Variants in ABTB2 observed in about 807,000 individuals in gnomAD.
ABTB2 encodes the protein ankyrin repeat and BTB domain containing 2.
ABTB2 carries 56 observed loss-of-function variants against 104.1 expected under a neutral mutation model. The ratio of observed to expected loss-of-function variants is 0.54; its 90% CI spans 0.43 to 0.67. The LOEUF (loss-of-function observed/expected upper bound fraction) is 0.67, where lower values mean the gene tolerates loss of function less well. Among genes scored for constraint, ABTB2 ranks in the 30% least tolerant of loss-of-function variants. ABTB2 has a pLI of 0.00. For missense variants in ABTB2, 1,279 were observed against 1,407.7 expected (o/e 0.91, Z 1.46); for synonymous variants, 606 against 608.2 (o/e 1.00, Z 0.05).
At chr11:34,333,681 G>A (rs1054654605) in intron 1 of ABTB2, among the ~76,000 whole-genome samples, 1 of 152,222 alleles carries the variant, frequency 6.6e-6, no homozygotes. Context: ...GCTTGAACCC[G>A]GGAGGCAGAG....
chr11:34,171,491 T>C (rs946282375), intron 4 of ABTB2, among the ~76,000 whole-genome samples: 52 of 152,236 alleles, frequency 3.4e-4, no homozygotes, highest in African/African-American at 1.2e-3. Flanking sequence ...GGAGAATAAA[T>C]TGAACCCTGG....
Position 34,170,928 on chromosome 11 carries a change from C to G in ABTB2, c.1541G>C (p.Gly514Ala), listed in dbSNP as rs1358492930. ...NQAIEALGPD[G>A]VNTMDDQGMT... ...TACCTGGTCATCCATGGTGTTAACCCCATCCGGACCCAAGGCCTCGATGGC... is the reference window on the plus strand; with the variant it reads ...TACCTGGTCATCCATGGTGTTAACCGCATCCGGACCCAAGGCCTCGATGGC... The change falls in exon 5 of 17, where the codon GGG (glycine) becomes GCG (alanine). Residue 514 changes from glycine (G) to alanine (A), a missense_variant. Gly to Ala is a moderately conservative substitution (Grantham distance 60). Transcript: ENST00000435224. The G allele has an allele frequency of 6.2e-7, 1 of 1,614,048 alleles. No individual in the cohort carries two copies. The highest frequency in any genetic ancestry group is 1.3e-5 in the African/African-American group (1 of 74,930).
intron 3 of ABTB2, among the ~76,000 whole-genome samples, chr11:34,179,193 T>A (rs1852994140): frequency 6.6e-6 from 1 of 152,080 alleles, no homozygotes. Context: ...GTTAAACACA[T>A]GAACGCACAA....
Position 34,357,533 on chromosome 11 carries a change from C to G in ABTB2, c.51G>C (p.Leu17Phe), listed in dbSNP as rs1484326502. Residue 17 changes from leucine to phenylalanine, a missense_variant, in exon 1 of 17, where the codon TTG (leucine) becomes TTC (phenylalanine). Coordinates refer to ENST00000435224, the MANE Select transcript of ABTB2 (RefSeq NM_145804.3). Reference protein sequence around the residue: ...STLKTLEDLTLDSGYGAGDSC... With the variant: ...STLKTLEDLTFDSGYGAGDSC... ...AGTCCCCGGCCCCATACCCGGAGTC[C>G]AAGGTCAAGTCCTCCAGCGTCTTCA... 1 of 1,537,548 alleles carries G rather than the reference C, an allele frequency of 6.5e-7. No individual in the cohort carries two copies. The highest frequency in any genetic ancestry group is 1.4e-5 in the African/African-American group (1 of 73,032).
intron 1 of ABTB2, among the ~76,000 whole-genome samples, chr11:34,287,247 A>G (rs1854516399): frequency 6.6e-6 from 1 of 151,686 alleles, no homozygotes; most frequent in Non-Finnish European, 1.5e-5. Flanking sequence ...AATTTACTGT[A>G]TGATAATTTA....
chr11:34,352,987 AG>A (rs1255004445), intron 1 of ABTB2, among the ~76,000 whole-genome samples: 3 of 152,200 alleles, frequency 2.0e-5, no homozygotes, highest in Non-Finnish European at 4.4e-5. Context: ...CTTAGAACCC[AG>A]GAGTTCAAGG....
intron 1 of ABTB2, among the ~76,000 whole-genome samples, chr11:34,230,124 C>T (rs147575441): frequency 3.9e-5 from 6 of 152,218 alleles, no homozygotes; most frequent in African/African-American, 1.2e-4. Flanking sequence ...GGCACACGCA[C>T]TCAGCACTCG....
chr11:34,168,568 C>G (rs1438659648), intron 5 of ABTB2, among the ~76,000 whole-genome samples: 2 of 152,218 alleles, frequency 1.3e-5, no homozygotes, highest in Non-Finnish European at 2.9e-5. Context: ...CGTAATATTC[C>G]CATCCTCCCC....
chr11:34,202,155 T>C (rs1853349382), intron 2 of ABTB2, among the ~76,000 whole-genome samples: 2 of 152,144 alleles, frequency 1.3e-5, no homozygotes, highest in Admixed American at 1.3e-4. Flanking sequence ...TGTCAAGTGG[T>C]GATCAGTGCT....
intron 10 of ABTB2, among the ~76,000 whole-genome samples, 154 bp from the exon 11 acceptor site, chr11:34,161,235 G>T (rs372289464): frequency 6.6e-6 from 1 of 151,818 alleles, no homozygotes; most frequent in East Asian, 1.9e-4. Context: ...TCCTGGGCAT[G>T]GAGTGGCCCT....
chr11:34,172,864 T>C (rs1184584232), intron 4 of ABTB2, among the ~76,000 whole-genome samples: 2 of 152,120 alleles, frequency 1.3e-5, no homozygotes, highest in African/African-American at 2.4e-5. Flanking sequence ...TCCCCAAGTA[T>C]CCCAAAGAGT....
Position 34,356,610 on chromosome 11 carries a change from C to A in ABTB2, c.883+91G>T, listed in dbSNP as rs1855466805. On this transcript the variant is annotated intron_variant, in intron 1 of 16. Transcript: ENST00000435224. The surrounding 1 kb of genome is among the most constrained non-coding windows in gnomAD (Gnocchi z 4.6). ...TTCTCCCAAAGAACTGGCACAGCCA[C>A]CAGCTTTGTCTCAGGAAATTCACTC... 7.0e-7 allele frequency: 1 copy of A among 1,430,820 alleles called. No individual in the cohort carries two copies. Among genetic ancestry groups the A allele is most frequent in the South Asian group, 1.5e-5 (1 of 67,710 alleles). The allele number at this position is 1,430,820 out of a possible 1,614,324, so 88.6% of individuals were successfully genotyped here.
intron 5 of ABTB2, among the ~76,000 whole-genome samples, chr11:34,169,209 A>G (rs546516982): frequency 5.4e-4 from 82 of 152,342 alleles, no homozygotes; most frequent in Non-Finnish European, 7.2e-4. Flanking sequence ...AGTTTAAACC[A>G]AATGACGGGC....
rs948745362 is a variant in ABTB2 at position 34,179,979 on chromosome 11, C to A, written c.1245-6672G>T. Among the ~76,000 whole-genome samples the A allele has an allele frequency of 3.9e-5, 6 of 152,192 alleles. No individual in the cohort carries two copies. The South Asian group carries it at 1.0e-3, about 26-fold the overall frequency. ...AGCATGCATGTAAAATACTTACCAT[C>A]ATATTTGGAACATGGTAACTTCTCC... On this transcript the variant is annotated intron_variant, in intron 3 of 16. Transcript: ENST00000435224.
chr11:34,176,438 C>G (rs1852961941), intron 3 of ABTB2, among the ~76,000 whole-genome samples: 1 of 152,180 alleles, frequency 6.6e-6, no homozygotes. Context: ...TCTGTATTCT[C>G]TGAAATATGA....
intron 2 of ABTB2, among the ~76,000 whole-genome samples, chr11:34,204,304 G>A (rs1447367073): frequency 2.0e-5 from 3 of 152,208 alleles, no homozygotes; most frequent in African/African-American, 7.2e-5. Flanking sequence ...TCACTGCTGT[G>A]CAGGAATGGG....
In ABTB2 at chr11:34,154,888, C is replaced by T; in HGVS notation, c.2698-119G>A. ...CAGGGGCCTGTCCCTCTGCAGGTCC[C>T]CAGCTCTGTCTCTCCCTCCCTCTCC... On this transcript the variant is annotated intron_variant, in intron 14 of 16. Transcript: ENST00000435224. This position sits in a 1 kb window ranked among gnomAD's most constrained non-coding sequence, Gnocchi z 4.9. 4 of 920,164 alleles carry T rather than the reference C, an allele frequency of 4.3e-6. No individual in the cohort carries two copies. Among genetic ancestry groups the T allele is most frequent in the Non-Finnish European group, 6.8e-6 (4 of 588,858 alleles). 57.0% of individuals were successfully genotyped at this position (920,164 alleles called of 1,614,324 possible).
At chr11:34,278,609 T>A (rs1590239296) in intron 1 of ABTB2, among the ~76,000 whole-genome samples, 1 of 152,154 alleles carries the variant, frequency 6.6e-6, no homozygotes, top group South Asian at 2.1e-4. Context: ...ACTGAGGGAA[T>A]GGCTGAGTGT....
In ABTB2 at chr11:34,294,874, C is replaced by T. The variant is rs576124890; in HGVS notation, c.883+61827G>A. On this transcript the variant is annotated intron_variant, in intron 1 of 16. Transcript: ENST00000435224. ...GGATTACAGGTGCCCAAACCATGCC[C>T]GGCTATTTTTTTTTAATTTTTAGTA... Among the ~76,000 whole-genome samples, 139 of 152,052 alleles carry T rather than the reference C, an allele frequency of 9.1e-4. 1 individual carries two copies. Among genetic ancestry groups the T allele is most frequent in the African/African-American group, 2.9e-3 (120 of 41,486 alleles).
Sources: allele counts gnomAD v4.1 joint callset (sites outside exome capture counted in the v4.1 genomes callset), GRCh38; gene constraint gnomAD v4.1.1; non-coding constraint Gnocchi (gnomAD v3.1); transcripts MANE v1.5; gene names NCBI Gene and HGNC (gene_info 2026-07-23, HGNC 2026-07-21).